CFAP54: variants seen among roughly 807,000 people sequenced by gnomAD.
The protein encoded by CFAP54 is cilia and flagella associated protein 54.
A neutral mutation model predicts 370.4 loss-of-function variants in CFAP54; 290 were observed. That is an observed-to-expected ratio of 0.78 (90% CI 0.71 to 0.86). CFAP54 has a LOEUF of 0.86. CFAP54 is among the 40% of genes least tolerant of loss of function. The pLI, the probability that CFAP54 is intolerant of heterozygous loss-of-function variation, is 0.00. For missense variants in CFAP54, 3,399 were observed against 3,528.7 expected, an observed-to-expected ratio of 0.96 and a Z score of 0.93; for synonymous variants, 1,206 against 1,236.5, an observed-to-expected ratio of 0.98 and a Z score of 0.52.
chr12:96,546,840 C>A (rs1005323543), intron 14 of CFAP54, among the ~76,000 whole-genome samples: 5 of 146,042 alleles, frequency 3.4e-5, no homozygotes, highest in Non-Finnish European at 7.6e-5. Context: ...AAAAAAAAAA[C>A]AACTCTATTT....
At chr12:96,600,611 A>G (rs997523482) in intron 26 of CFAP54, among the ~76,000 whole-genome samples, 2 of 152,114 alleles carry the variant, frequency 1.3e-5, no homozygotes, top group Non-Finnish European at 2.9e-5. Context: ...GATTCTTCCT[A>G]TCCATGAGCA....
At chr12:96,749,294 G>A (rs1423955755) in intron 55 of CFAP54, among the ~76,000 whole-genome samples, 5 of 152,210 alleles carry the variant, frequency 3.3e-5, no homozygotes, top group African/African-American at 9.7e-5. Flanking sequence ...GGACAAGTCT[G>A]TCTTCTTGTT....
intron 46 of CFAP54, among the ~76,000 whole-genome samples, chr12:96,704,381 G>C (rs1324434006): frequency 5.7e-4 from 81 of 142,768 alleles, no homozygotes; most frequent in African/African-American, 2.0e-3. Flanking sequence ...GAGCTGAGAT[G>C]GCGCCACTGC....
chr12:96,648,580 C>CTTTTTTTTTTTTTT (rs11303164), intron 34 of CFAP54, among the ~76,000 whole-genome samples: 1 of 58,666 alleles, frequency 1.7e-5, no homozygotes, highest in Non-Finnish European at 3.0e-5. Context: ...AAACAGGGTT[C>CTTTTTTTTTTTTTT]TTTTTTTTTT....
chr12:96,594,550 G>A (rs748042382), intron 25 of CFAP54, 104 bp downstream of exon 25: 2 of 782,974 alleles, frequency 2.6e-6, no homozygotes, highest in Non-Finnish European at 3.7e-6. Flanking sequence ...GGGCAAATAG[G>A]TCAGGAATCA....
chr12:96,708,276 G>A (rs957964923), intron 47 of CFAP54, among the ~76,000 whole-genome samples: 2 of 152,104 alleles, frequency 1.3e-5, no homozygotes, highest in Non-Finnish European at 2.9e-5. Context: ...CAGAGTAGCC[G>A]ATGTGTGTGT....
rs815890 is a variant in CFAP54 at position 96,598,716 on chromosome 12, C to T, written c.3588C>T (p.Ser1196=). 456,998 of 676,544 alleles carry T rather than the reference C, an allele frequency of 0.68. 155,408 individuals carry two copies. Among genetic ancestry groups the T allele is most frequent in the East Asian group, 0.72 (26,526 of 36,696 alleles). The allele number at this position is 676,544 out of a possible 1,614,324, so 41.9% of individuals were successfully genotyped here. ...SIVCSKKHTA[S]FESIQHMIAC... ...TCTGCTCGAAGAAACATACTGCGAG[C>T]TTTGAAAGTATACAACACATGATAG... Residue 1196 remains serine (S), a synonymous_variant, in exon 26 of 68, where the codon AGC becomes AGT. Coordinates refer to ENST00000524981, the MANE Select transcript of CFAP54 (RefSeq NM_001306084.2).
intron 48 of CFAP54, among the ~76,000 whole-genome samples, chr12:96,716,552 G>A (rs1009969656): frequency 6.6e-6 from 1 of 152,170 alleles, no homozygotes; most frequent in Admixed American, 6.5e-5. Flanking sequence ...GTCAGGCTAA[G>A]CTGGTCTGTC....
At chr12:96,791,254 G>A (rs575608393) in intron 62 of CFAP54, among the ~76,000 whole-genome samples, 11 of 149,354 alleles carry the variant, frequency 7.4e-5, no homozygotes, top group African/African-American at 2.0e-4. Context: ...GCGTGATATC[G>A]GCTCACTGCA....
intron 39 of CFAP54, among the ~76,000 whole-genome samples, chr12:96,664,794 T>TATATAG (rs1565934573): frequency 2.7e-5 from 1 of 36,518 alleles, no homozygotes; most frequent in Non-Finnish European, 5.4e-5. Context: ...TATATATATA[T>TATATAG]ATATATATAT....
At chr12:96,562,636 G>C (rs1490594560) in intron 17 of CFAP54, among the ~76,000 whole-genome samples, 1 of 151,732 alleles carries the variant, frequency 6.6e-6, no homozygotes, top group Admixed American at 6.6e-5. Flanking sequence ...TGCCATGTTG[G>C]CCAGGCTGGT....
At chr12:96,864,190 C>A (rs902545775) in intron 67 of CFAP54, among the ~76,000 whole-genome samples, 7 of 151,968 alleles carry the variant, frequency 4.6e-5, no homozygotes, top group Middle Eastern at 3.2e-3. Context: ...ATAGCAGACA[C>A]CTGCAATGTT....
At chr12:96,732,885 A>G (rs1957937715) in intron 50 of CFAP54, among the ~76,000 whole-genome samples, 1 of 152,070 alleles carries the variant, frequency 6.6e-6, no homozygotes, top group Non-Finnish European at 1.5e-5. Flanking sequence ...ACTATGTGTC[A>G]GAGAGCAACA....
chr12:96,729,420 A>C (rs556651149), intron 50 of CFAP54, among the ~76,000 whole-genome samples: 2 of 152,172 alleles, frequency 1.3e-5, no homozygotes, highest in Non-Finnish European at 1.5e-5. Context: ...TCTGCCTTGC[A>C]GTTTGATCTC....
chr12:96,649,721 T>G (rs1415476377), intron 34 of CFAP54, among the ~76,000 whole-genome samples, 170 bp from the exon 35 acceptor site: 1 of 152,218 alleles, frequency 6.6e-6, no homozygotes, highest in African/African-American at 2.4e-5. Context: ...AAATACCTCC[T>G]TCTCTAGAAA....
chr12:96,551,943 T>C (rs1027093132), intron 15 of CFAP54, among the ~76,000 whole-genome samples: 2 of 152,122 alleles, frequency 1.3e-5, no homozygotes, highest in African/African-American at 2.4e-5. Context: ...GTGTAAGTAC[T>C]GTAAAGAAAG....
intron 63 of CFAP54, among the ~76,000 whole-genome samples, chr12:96,795,974 C>T (rs1223581168): frequency 6.6e-6 from 1 of 152,204 alleles, no homozygotes; most frequent in East Asian, 1.9e-4. Flanking sequence ...CTTCCTGCTG[C>T]TTCCTCCACC....
intron 39 of CFAP54, among the ~76,000 whole-genome samples, chr12:96,669,794 C>A (rs893175238): frequency 6.6e-6 from 1 of 152,124 alleles, no homozygotes; most frequent in Non-Finnish European, 1.5e-5. Flanking sequence ...ATGCGGCACT[C>A]AGGAGAGAGC....
intron 67 of CFAP54, among the ~76,000 whole-genome samples, chr12:96,870,993 G>A (rs902494891): frequency 1.3e-5 from 2 of 152,158 alleles, no homozygotes; most frequent in Non-Finnish European, 2.9e-5. Flanking sequence ...TCAGGAAGAG[G>A]CTGAATGACT....
Sources: allele counts gnomAD v4.1 joint callset (sites outside exome capture counted in the v4.1 genomes callset), GRCh38; gene constraint gnomAD v4.1.1; transcripts MANE v1.5; gene names NCBI Gene and HGNC (gene_info 2026-07-23, HGNC 2026-07-21).